The following SHPK variants were observed in gnomAD, a reference collection of about 807,000 sequenced individuals.
SHPK encodes the protein sedoheptulokinase.
In SHPK, 51 loss-of-function variants were observed where a neutral mutation model predicts 46.3. The observed-to-expected ratio is 1.10, with a 90% CI of 0.88 to 1.39. The LOEUF (loss-of-function observed/expected upper bound fraction) is 1.39. SHPK is among the 40% of genes most tolerant of loss of function. The probability of loss-of-function intolerance (pLI) is 0.00; values close to 1 mark genes in which losing one functional copy is unlikely to be tolerated. For synonymous variants in SHPK, 290 were observed against 273.9 expected (o/e 1.06, Z -0.58); for missense variants, 668 against 641.3 (o/e 1.04, Z -0.45).
chr17:3,626,701 A>G (rs181762061), intron 2 of SHPK, among the ~76,000 whole-genome samples: 2,367 of 145,718 alleles, frequency 0.016, 72 homozygotes, highest in African/African-American at 0.058. Context: ...CAGCTTGGGC[A>G]ACACAGCAAG....
rs750717928 is a variant in SHPK, at chr17:3,636,237, C to A, written c.-18G>T. The A allele has an allele frequency of 1.5e-5, 24 of 1,583,588 alleles. No homozygotes were observed. The highest frequency in any genetic ancestry group is 1.7e-5 in the Non-Finnish European group (20 of 1,160,108). On this transcript the variant is annotated 5_prime_UTR_variant, in exon 1 of 7. Coordinates refer to ENST00000225519, the MANE Select transcript of SHPK (RefSeq NM_013276.4). Reference sequence around the variant, plus strand: ...GCAGCCATTATCTCCCTGACCCGCGCAGCTCCAGTCTGCAGCCAGCGGCCC... The same window carrying A: ...GCAGCCATTATCTCCCTGACCCGCGAAGCTCCAGTCTGCAGCCAGCGGCCC...
intron 2 of SHPK, 146 bp downstream of exon 2, chr17:3,630,059 G>T: frequency 2.1e-6 from 2 of 973,728 alleles, no homozygotes; most frequent in Non-Finnish European, 3.2e-6. Flanking sequence ...CCACGCAGGA[G>T]GCAGCACGTA....
chr17:3,635,980 G>C (rs907329429), intron 1 of SHPK, 72 bp downstream of exon 1: 2 of 1,405,194 alleles, frequency 1.4e-6, no homozygotes, highest in African/African-American at 3.0e-5. Context: ...GGCTGTCAGG[G>C]AGGCCTCCTG....
intron 2 of SHPK, among the ~76,000 whole-genome samples, chr17:3,624,799 C>T (rs2150872330): frequency 6.6e-6 from 1 of 152,032 alleles, no homozygotes; most frequent in Non-Finnish European, 1.5e-5. Flanking sequence ...GACTACAGGC[C>T]CACGCCACCA....
At chr17:3,627,718 T>C (rs2075446197) in intron 2 of SHPK, among the ~76,000 whole-genome samples, 1 of 150,834 alleles carries the variant, frequency 6.6e-6, no homozygotes, top group African/African-American at 2.4e-5. Flanking sequence ...GTTTGTGTGG[T>C]TGTTAGAGAG....
chr17:3,634,286 C>T (rs12938507), intron 1 of SHPK, among the ~76,000 whole-genome samples: 20,757 of 150,514 alleles, frequency 0.14, 1,820 homozygotes, highest in East Asian at 0.25. Context: ...AAAAAGTGGC[C>T]ATGCTGGGTG....
chr17:3,610,930 T>C lies in SHPK; in HGVS notation c.1067A>G (p.Gln356Arg). Reference protein sequence around the residue: ...EESTVYSRMIQAAVQQRDTHL... With the variant: ...EESTVYSRMIRAAVQQRDTHL... ...GGTATCTCTCTGCTGCACAGCTGCC[T>C]GAATCATGCGTGAATACACAGTGGA... Residue 356 changes from glutamine to arginine, a missense_variant, in exon 7 of 7, where the codon CAG becomes CGG. Physicochemically the swap from Gln to Arg is conservative, Grantham distance 43. Coordinates refer to ENST00000225519, the MANE Select transcript of SHPK (RefSeq NM_013276.4). 1 of 1,613,558 alleles carries C rather than the reference T, an allele frequency of 6.2e-7. No homozygotes were observed. The highest frequency in any genetic ancestry group is 8.5e-7 in the Non-Finnish European group (1 of 1,179,680).
intron 5 of SHPK, among the ~76,000 whole-genome samples, chr17:3,620,184 G>C (rs1404772050): frequency 7.2e-5 from 11 of 152,128 alleles, no homozygotes; most frequent in Non-Finnish European, 2.9e-5. Context: ...TAGAGTAAAA[G>C]AGCCAATCCC....
At chr17:3,628,193 G>C (rs1394358390) in intron 2 of SHPK, among the ~76,000 whole-genome samples, 1 of 152,082 alleles carries the variant, frequency 6.6e-6, no homozygotes, top group Non-Finnish European at 1.5e-5. Flanking sequence ...CCCCAAAGTA[G>C]CCGTCCATCT....
chr17:3,619,732 C>CAAAA, intron 5 of SHPK: 5 of 287,248 alleles, frequency 1.7e-5, no homozygotes, highest in Admixed American at 5.1e-5. Flanking sequence ...GACTCCATCT[C>CAAAA]AAAAAAAAAA....
intron 1 of SHPK, among the ~76,000 whole-genome samples, chr17:3,631,069 CCT>C (rs1374030098): frequency 3.3e-5 from 5 of 152,020 alleles, no homozygotes; most frequent in Non-Finnish European, 7.4e-5. Context: ...CTCGCTTGCC[CCT>C]GTCAGCCTGC....
Position 3,610,035 on chromosome 17 carries a change from G to C in SHPK, c.*525C>G, listed in dbSNP as rs993731906. 1.3e-5 allele frequency: 2 copies of C among 154,252 alleles called. No homozygotes were observed. The highest frequency in any genetic ancestry group is 2.9e-5 in the Non-Finnish European group (2 of 69,312). 9.6% of individuals were successfully genotyped at this position (154,252 alleles called of 1,614,324 possible). On this transcript the variant is annotated 3_prime_UTR_variant, in exon 7 of 7. Transcript: ENST00000225519. The stretch of plus-strand genomic sequence containing the variant: ...AGCATCTGCAGCCAGGGGAGGATGA[G>C]ACTAGGAAAGGGGCCTCCGGTCACA...
chr17:3,616,499 G>A (rs1207331172), intron 5 of SHPK, among the ~76,000 whole-genome samples: 1 of 152,128 alleles, frequency 6.6e-6, no homozygotes, highest in African/African-American at 2.4e-5. Context: ...AACCTCACGA[G>A]AGACCTTGAG....
Position 3,624,087 on chromosome 17 carries a change from C to G in SHPK, c.455G>C (p.Gly152Ala), listed in dbSNP as rs768006601. Residue 152 changes from glycine (G) to alanine (A), a missense_variant, in exon 3 of 7, where the codon GGC (glycine) becomes GCC (alanine). Physicochemically the swap from Gly to Ala is moderately conservative, Grantham distance 60. Coordinates refer to ENST00000225519, the MANE Select transcript of SHPK (RefSeq NM_013276.4). ...CCAGAAGATGGTTGCACAGCCGAAG[C>G]CCGTGGCCACACTGAGATGAGACTT... ...QPKSHLSVAT[G>A]FGCATIFWLL... 1 of 1,613,802 alleles carries G rather than the reference C, an allele frequency of 6.2e-7. No individual in the cohort carries two copies. The highest frequency in any genetic ancestry group is 8.5e-7 in the Non-Finnish European group (1 of 1,179,710).
chr17:3,625,320 C>T (rs222787), intron 2 of SHPK, among the ~76,000 whole-genome samples: 59,065 of 152,050 alleles, frequency 0.39, 13,679 homozygotes, highest in East Asian at 0.64. Context: ...TGGTGACGTG[C>T]TTGACCAGGA....
rs555801394 is a variant in SHPK at position 3,612,669 on chromosome 17, G to A, written c.1025-1697C>T. 3.9e-4 allele frequency among the ~76,000 whole-genome samples: 60 copies of A among 152,148 alleles called. 1 individual carries two copies. In the South Asian group the frequency reaches 1.0e-2, roughly 25 times the overall value. On this transcript the variant is annotated intron_variant, in intron 6 of 6. Transcript: ENST00000225519. ...GCAGTTGATTCTTATACACAGCCAC[G>A]CTGGGGAGCCCCCGACCTAGACCTA... is the stretch of plus-strand genomic sequence containing the variant.
chr17:3,615,261 G>A (rs1597568157), intron 6 of SHPK, 76 bp downstream of exon 6: 2 of 1,428,552 alleles, frequency 1.4e-6, no homozygotes, highest in East Asian at 2.3e-5. Context: ...CGCACATGAA[G>A]CTCCGTGAAG....
intron 2 of SHPK, among the ~76,000 whole-genome samples, chr17:3,629,101 C>T (rs908114709): frequency 6.6e-6 from 1 of 152,190 alleles, no homozygotes; most frequent in Non-Finnish European, 1.5e-5. Context: ...CCCTGCCAGG[C>T]CTTTAAAAGC....
At position 3,609,056 on chromosome 17, in the gene SHPK, T is replaced by C. The variant is rs980052985; in HGVS notation, c.*1504A>G. ...ACAGGCATGCGCCACCACGCCCGGC[T>C]TGTATTTTTAGTAGAGACGGGGTAT... is the stretch of plus-strand genomic sequence containing the variant. On this transcript the variant is annotated 3_prime_UTR_variant, in exon 7 of 7. Transcript: ENST00000225519. 12 of 152,258 alleles carry C rather than the reference T, an allele frequency of 7.9e-5. No homozygotes were observed. Among genetic ancestry groups the C allele is most frequent in the African/African-American group, 2.9e-4 (12 of 41,452 alleles). The allele number at this position is 152,258 out of a possible 1,614,324, so 9.4% of individuals were successfully genotyped here.
Sources: gnomAD v4.1 joint callset for allele counts (sites outside exome capture counted in the v4.1 genomes callset) on GRCh38, gnomAD v4.1.1 for gene constraint, MANE v1.5 for transcripts, NCBI Gene and HGNC (gene_info 2026-07-23, HGNC 2026-07-21) for gene names.